Variants in HDAC9 observed in about 807,000 individuals in gnomAD.
HDAC9 encodes MEF-2 interacting transcription repressor (MITR) protein.
Under a neutral mutation model 139.4 loss-of-function variants are expected in HDAC9, and 41 were observed. The observed-to-expected ratio is 0.29, with a 90% confidence interval of 0.23 to 0.38. The LOEUF is 0.38. Ranked by LOEUF, HDAC9 falls within the 10% of genes least tolerant of loss-of-function variation. The probability of loss-of-function intolerance (pLI) is 1.00; values close to 1 mark genes in which losing one functional copy is unlikely to be tolerated. For synonymous variants in HDAC9, 517 were observed against 476.2 expected, an observed-to-expected ratio of 1.09 and a Z score of -1.12; for missense variants, 1,147 against 1,297.0, an observed-to-expected ratio of 0.88 and a Z score of 1.78.
At chr7:18,829,128 T>G in intron 17 of HDAC9, 33 bp from the exon 18 acceptor site, 1 of 1,525,526 alleles carries the variant, frequency 6.6e-7, no homozygotes, top group Non-Finnish European at 9.1e-7. Flanking sequence ...CTCCATTATA[T>G]CTGACCATTG....
chr7:18,219,431 T>C (rs1380272262), intron 2 of HDAC9, among the ~76,000 whole-genome samples: 9 of 152,164 alleles, frequency 5.9e-5, no homozygotes, highest in African/African-American at 2.2e-4. Flanking sequence ...TAAGTTTCTC[T>C]AACTTACATT....
At chr7:18,844,232 A>G (rs950014298) in intron 21 of HDAC9, among the ~76,000 whole-genome samples, 1 of 152,180 alleles carries the variant, frequency 6.6e-6, no homozygotes, top group African/African-American at 2.4e-5. Flanking sequence ...TTATCTAAAC[A>G]TCTATTCCAA....
At chr7:18,309,370 C>G (rs971027325) in intron 1 of HDAC9, among the ~76,000 whole-genome samples, 5 of 152,062 alleles carry the variant, frequency 3.3e-5, no homozygotes, top group African/African-American at 1.2e-4. Flanking sequence ...AATGTTTTGA[C>G]AAAGTAATAC....
intron 2 of HDAC9, among the ~76,000 whole-genome samples, chr7:18,170,428 G>C (rs983412468): frequency 3.3e-5 from 5 of 152,050 alleles, no homozygotes; most frequent in Non-Finnish European, 2.9e-5. Context: ...CTTTTGCTGT[G>C]CAGAAGCTCT....
chr7:18,252,502 A>G (rs889283039), intron 2 of HDAC9, among the ~76,000 whole-genome samples: 4 of 152,158 alleles, frequency 2.6e-5, no homozygotes, highest in African/African-American at 7.2e-5. Flanking sequence ...TGCATGAAAC[A>G]TAGGAATGAC....
chr7:18,873,999 ATG>A (rs35933646), intron 21 of HDAC9, among the ~76,000 whole-genome samples: 59,671 of 148,294 alleles, frequency 0.4, 11,919 homozygotes, highest in South Asian at 0.52. Flanking sequence ...ATATTTAAAA[ATG>A]TTTTTTTTTT....
intron 1 of HDAC9, among the ~76,000 whole-genome samples, chr7:18,149,348 A>AT (rs1023283882): frequency 6.8e-6 from 1 of 147,730 alleles, no homozygotes; most frequent in Non-Finnish European, 1.5e-5. Context: ...ATAATTAATA[A>AT]TTTTTTCTTT....
intron 22 of HDAC9, among the ~76,000 whole-genome samples, chr7:18,900,833 A>C (rs1801636876): frequency 6.6e-6 from 1 of 152,152 alleles, no homozygotes; most frequent in Non-Finnish European, 1.5e-5. Flanking sequence ...ACATGTGAAC[A>C]GTCTAGTGTA....
At chr7:18,805,948 A>G (rs528640245) in intron 17 of HDAC9, among the ~76,000 whole-genome samples, 1 of 152,306 alleles carries the variant, frequency 6.6e-6, no homozygotes, top group East Asian at 1.9e-4. Flanking sequence ...CAACACACAG[A>G]GATGTACACA....
chr7:18,475,523 A>T (rs1795048175), intron 1 of HDAC9, among the ~76,000 whole-genome samples: 2 of 152,216 alleles, frequency 1.3e-5, no homozygotes, highest in South Asian at 4.1e-4. Flanking sequence ...CAAACAAGGC[A>T]AAGGTGGCAA....
At chr7:18,167,625 A>C (rs1014268189) in intron 2 of HDAC9, among the ~76,000 whole-genome samples, 1 of 152,128 alleles carries the variant, frequency 6.6e-6, no homozygotes, top group Non-Finnish European at 1.5e-5. Context: ...CAGTTCATGT[A>C]TTCTAAGGTC....
chr7:18,595,491 G>C (rs1242947814), intron 6 of HDAC9, among the ~76,000 whole-genome samples: 1 of 152,054 alleles, frequency 6.6e-6, no homozygotes, highest in African/African-American at 2.4e-5. Flanking sequence ...CTGCAGGCTT[G>C]ACATTTATTT....
At position 18,377,191 on chromosome 7, in the gene HDAC9, C is replaced by T. The variant is rs113698577; in HGVS notation, c.-42+86676C>T. 9.8e-3 allele frequency among the ~76,000 whole-genome samples: 1,484 copies of T among 152,174 alleles called. 18 individuals are homozygous for T. Among genetic ancestry groups the T allele is most frequent in the African/African-American group, 0.034 (1,400 of 41,530 alleles). ...TGATTCATAGACAGTTACCTTTTCA[C>T]ATGGTGGATGGGTGATGGAACTCTC... On this transcript the variant is annotated intron_variant, in intron 1 of 3. Coordinates refer to the HDAC9 transcript ENST00000413509.
At chr7:18,896,842 A>C (rs774777032) in intron 22 of HDAC9, among the ~76,000 whole-genome samples, 1 of 152,046 alleles carries the variant, frequency 6.6e-6, no homozygotes, top group Non-Finnish European at 1.5e-5. Context: ...TCACACTGCA[A>C]ATTCCACTGT....
intron 16 of HDAC9, among the ~76,000 whole-genome samples, chr7:18,782,703 A>AT (rs5882671): frequency 0.7 from 106,287 of 151,592 alleles, 38,280 homozygotes; most frequent in Non-Finnish European, 0.79. Context: ...AAATGCGGGG[A>AT]TTTTTTTTTC....
Position 18,667,207 on chromosome 7 carries a change from T to C in HDAC9, c.1731+731T>C, listed in dbSNP as rs375034585. On this transcript the variant is annotated intron_variant, in intron 12 of 25. Transcript: ENST00000686413. The stretch of plus-strand genomic sequence containing the variant: ...TTTATTTTGTGTAATTTGATGACAC[T>C]GTCTATCAAAAAAGAGCAAATGAAG... 7.1e-6 allele frequency: 7 copies of C among 985,252 alleles called. No individual in the cohort carries two copies. In the East Asian group the frequency reaches 5.7e-4, roughly 80 times the overall value. The allele number at this position is 985,252 out of a possible 1,614,324, so 61.0% of individuals were successfully genotyped here. A position where few individuals can be genotyped will look rare whatever the true frequency, so the allele number is the denominator to read the frequency against.
At chr7:18,342,344 G>A (rs996810029) in intron 1 of HDAC9, among the ~76,000 whole-genome samples, 9 of 151,720 alleles carry the variant, frequency 5.9e-5, no homozygotes, top group African/African-American at 2.2e-4. Flanking sequence ...CATTAAACTG[G>A]AACAATATTT....
At chr7:18,318,747 G>A (rs1487335417) in intron 1 of HDAC9, among the ~76,000 whole-genome samples, 2 of 152,096 alleles carry the variant, frequency 1.3e-5, no homozygotes, top group African/African-American at 4.8e-5. Flanking sequence ...TTCATACTTT[G>A]GGTCTGTCAC....
chr7:18,820,966 T>C (rs1056840708), intron 17 of HDAC9, among the ~76,000 whole-genome samples: 3 of 152,082 alleles, frequency 2.0e-5, no homozygotes, highest in African/African-American at 7.2e-5. Flanking sequence ...TAAGCAGAAA[T>C]GTATTTACTC....
Sources: gnomAD v4.1 joint callset for allele counts (sites outside exome capture counted in the v4.1 genomes callset) on GRCh38, gnomAD v4.1.1 for gene constraint, MANE v1.5 for transcripts, NCBI Gene and HGNC (gene_info 2026-07-23, HGNC 2026-07-21) for gene names.